The following HSF5 variants were observed in gnomAD, a reference collection of about 807,000 sequenced individuals.
The protein encoded by HSF5 is heat shock transcription factor 5.
Under a neutral mutation model 50.8 loss-of-function variants are expected in HSF5, and 5 were observed. The ratio of observed to expected loss-of-function variants is 0.10; its 90% CI spans 0.05 to 0.21. The LOEUF (loss-of-function observed/expected upper bound fraction) is 0.21, where lower values mean the gene tolerates loss of function less well. Among genes scored for constraint, HSF5 ranks in the 10% least tolerant of loss-of-function variants. The pLI, the probability that HSF5 is intolerant of heterozygous loss-of-function variation, is 1.00. For missense variants in HSF5, 564 were observed against 762.6 expected (o/e 0.74, Z 3.07); for synonymous variants, 307 against 307.4 (o/e 1.00, Z 0.02).
chr17:58,484,701 G>A (rs4793948), intron 1 of HSF5, among the ~76,000 whole-genome samples: 126,172 of 152,106 alleles, frequency 0.83, 52,461 homozygotes, highest in East Asian at 1. Context: ...TCACATGGAA[G>A]TGGCCTAATA....
rs916620110 is a variant in HSF5, at chr17:58,488,349, C to T, written c.-75G>A. On this transcript the variant is annotated 5_prime_UTR_variant, in exon 1 of 6. Coordinates refer to ENST00000323777, the MANE Select transcript of HSF5 (RefSeq NM_001080439.3). This position sits in a 1 kb window ranked among gnomAD's most constrained non-coding sequence, Gnocchi z 4.1. The stretch of plus-strand genomic sequence containing the variant: ...GTTCTCGATCCCTCCCCGGCCTTCG[C>T]CTCGCCCTGCCCGCTCCTGCCGGCG... The T allele has an allele frequency of 2.2e-6, 3 of 1,358,418 alleles. No individual in the cohort carries two copies. Among genetic ancestry groups the T allele is most frequent in the South Asian group, 1.8e-5 (1 of 55,046 alleles). The allele number at this position is 1,358,418 out of a possible 1,614,324, so 84.1% of individuals were successfully genotyped here.
At chr17:58,472,461 G>C (rs1169362250) in intron 2 of HSF5, among the ~76,000 whole-genome samples, 5 of 152,108 alleles carry the variant, frequency 3.3e-5, no homozygotes. Flanking sequence ...GTGAGAAAGT[G>C]AGACCTTGTC....
chr17:58,480,222 C>T lies in HSF5; in HGVS notation c.596G>A (p.Ser199Asn), dbSNP rs139274199. The stretch of plus-strand genomic sequence containing the variant: ...TGATACACAGGAGTAAGGAGACAAA[C>T]TATCTCGACGAAATGACCGGTGAAA... ...GQFHRSFRRD[S>N]LSPYSCVSTP... Residue 199 changes from serine to asparagine, a missense_variant, in exon 2 of 6, where the codon AGT becomes AAT. Coordinates refer to ENST00000323777, the MANE Select transcript of HSF5 (RefSeq NM_001080439.3). The T allele has an allele frequency of 1.9e-5, 30 of 1,613,010 alleles. No homozygotes were observed. In the African/African-American group the frequency reaches 3.9e-4, roughly 21 times the overall value.
chr17:58,485,068 C>T (rs1270129120), intron 1 of HSF5, among the ~76,000 whole-genome samples: 1 of 150,918 alleles, frequency 6.6e-6, no homozygotes, highest in Admixed American at 6.6e-5. Context: ...GATGCTCCTG[C>T]CTCAGCCTCC....
Position 58,488,111 on chromosome 17 carries a change from C to T in HSF5, c.164G>A (p.Gly55Glu), listed in dbSNP as rs1975218739. The T allele has an allele frequency of 1.3e-6, 2 of 1,575,042 alleles. No homozygotes were observed. The highest frequency in any genetic ancestry group is 1.7e-6 in the Non-Finnish European group (2 of 1,168,626). The change falls in exon 1 of 6, where the codon GGG (glycine) becomes GAG (glutamate). Residue 55 changes from glycine (G) to glutamate (E), a missense_variant. Gly to Glu is a moderately conservative substitution (Grantham distance 98, BLOSUM62 -2). This residue lies in a region of HSF5 where 72 missense variants were observed against 110.9 expected (regional missense o/e 0.65). Coordinates refer to ENST00000323777, the MANE Select transcript of HSF5 (RefSeq NM_001080439.3). This position sits in a 1 kb window ranked among gnomAD's most constrained non-coding sequence, Gnocchi z 4.1. ...CGCAGTCCCGCCACCGCCCCCCGGC[C>T]CGGGCGGGCTGAGCAGCTCGGCCTC... ...LFEAELLSPP[G>E]PGGGGGTAGA...
At chr17:58,439,995 G>A (rs1294715028) in intron 5 of HSF5, among the ~76,000 whole-genome samples, 1 of 151,406 alleles carries the variant, frequency 6.6e-6, no homozygotes, top group East Asian at 1.9e-4. Context: ...TTTTTTTAAT[G>A]ATATGACCAC....
At chr17:58,445,215 T>A (rs936169693) in intron 5 of HSF5, among the ~76,000 whole-genome samples, 1 of 152,122 alleles carries the variant, frequency 6.6e-6, no homozygotes, top group Non-Finnish European at 1.5e-5. Flanking sequence ...CCTAAAAAAA[T>A]TAAAAATTGG....
chr17:58,447,631 C>G (rs1254114946), intron 5 of HSF5, among the ~76,000 whole-genome samples: 1 of 152,090 alleles, frequency 6.6e-6, no homozygotes, highest in African/African-American at 2.4e-5. Flanking sequence ...TTCATTAGGA[C>G]TGGAGACTAG....
rs1405845825 is a variant in HSF5, at chr17:58,421,272, T to C, written c.*1088A>G. 1.3e-5 allele frequency: 2 copies of C among 152,638 alleles called. No individual in the cohort carries two copies. The highest frequency in any genetic ancestry group is 2.9e-5 in the Non-Finnish European group (2 of 68,036). The allele number at this position is 152,638 out of a possible 1,614,324, so 9.5% of individuals were successfully genotyped here. ...ATCTATCCCATTATCCAAAATTCTCTCAGAAGCTTAAACCAGATTGAAACC... is the reference window on the plus strand; with the variant it reads ...ATCTATCCCATTATCCAAAATTCTCCCAGAAGCTTAAACCAGATTGAAACC... On this transcript the variant is annotated 3_prime_UTR_variant, in exon 6 of 6. Coordinates refer to ENST00000323777, the MANE Select transcript of HSF5 (RefSeq NM_001080439.3).
chr17:58,468,413 T>C (rs1974900661), intron 2 of HSF5, among the ~76,000 whole-genome samples: 1 of 152,014 alleles, frequency 6.6e-6, no homozygotes, highest in African/African-American at 2.4e-5. Context: ...AAAATTTACA[T>C]ATATATATAT....
chr17:58,430,750 T>A lies in HSF5; in HGVS notation c.1721-8320A>T, dbSNP rs191208011. Among the ~76,000 whole-genome samples the A allele has an allele frequency of 3.6e-4, 55 of 152,244 alleles. No homozygotes were observed. In the East Asian group the frequency reaches 0.01, roughly 28 times the overall value. On this transcript the variant is annotated intron_variant, in intron 5 of 5. Transcript: ENST00000323777. ...GCTTACAGACAGCTTGTGTGGGACTTCTCAGCCTCCATAACAGTATATGCC... is the reference window on the plus strand; with the variant it reads ...GCTTACAGACAGCTTGTGTGGGACTACTCAGCCTCCATAACAGTATATGCC...
intron 5 of HSF5, among the ~76,000 whole-genome samples, chr17:58,430,074 T>C (rs573950884): frequency 1.8e-4 from 28 of 152,030 alleles, no homozygotes; most frequent in Non-Finnish European, 3.5e-4. Flanking sequence ...TTGTTTTGTT[T>C]TGTTTTGTTT....
chr17:58,461,646 T>C (rs1424793744), intron 4 of HSF5, among the ~76,000 whole-genome samples: 1 of 152,122 alleles, frequency 6.6e-6, no homozygotes, highest in Non-Finnish European at 1.5e-5. Flanking sequence ...CCAAGGCAGG[T>C]GGATCACCTG....
chr17:58,455,025 C>G (rs1259393919), intron 5 of HSF5, among the ~76,000 whole-genome samples: 1 of 152,064 alleles, frequency 6.6e-6, no homozygotes, highest in Admixed American at 6.6e-5. Context: ...CCAAAGCAAT[C>G]CTGAGCAAAA....
intron 5 of HSF5, among the ~76,000 whole-genome samples, chr17:58,454,387 G>C (rs982645458): frequency 1.3e-5 from 2 of 152,122 alleles, no homozygotes; most frequent in African/African-American, 4.8e-5. Context: ...TACATTGAAT[G>C]ATGAAAAGTT....
chr17:58,486,734 C>G (rs1975186174), intron 1 of HSF5, among the ~76,000 whole-genome samples: 1 of 152,102 alleles, frequency 6.6e-6, no homozygotes, highest in Admixed American at 6.5e-5. Flanking sequence ...GTCTACCATT[C>G]TACACATTAA....
intron 2 of HSF5, among the ~76,000 whole-genome samples, chr17:58,467,241 T>C (rs576626435): frequency 6.6e-6 from 1 of 152,372 alleles, no homozygotes; most frequent in Non-Finnish European, 1.5e-5. Context: ...AGCATTTTGT[T>C]ACCTTTCTAA....
chr17:58,484,585 C>G (rs1295871806), intron 1 of HSF5, among the ~76,000 whole-genome samples: 1 of 143,106 alleles, frequency 7.0e-6, no homozygotes, highest in Admixed American at 6.8e-5. Context: ...ACCAGACATG[C>G]AACCTGAAAA....
chr17:58,459,126 G>A (rs1458605616), intron 4 of HSF5, among the ~76,000 whole-genome samples, 181 bp from the exon 5 acceptor site: 2 of 151,928 alleles, frequency 1.3e-5, no homozygotes, highest in Non-Finnish European at 2.9e-5. Context: ...AATGTATATG[G>A]AGCTAAAACA....
Sources: gnomAD v4.1 joint callset for allele counts (sites outside exome capture counted in the v4.1 genomes callset) on GRCh38, gnomAD v4.1.1 for gene constraint, gnomAD v4.1.1 regional missense constraint, Gnocchi (gnomAD v3.1) non-coding constraint, MANE v1.5 for transcripts, NCBI Gene and HGNC (gene_info 2026-07-23, HGNC 2026-07-21) for gene names.